DAW1: variants seen among roughly 807,000 people sequenced by gnomAD.
DAW1 encodes dynein assembly factor with WD repeats 1.
In DAW1, 47 loss-of-function variants were observed where a neutral mutation model predicts 56.5. That is an observed-to-expected ratio of 0.83 (90% CI 0.66 to 1.06). The LOEUF (loss-of-function observed/expected upper bound fraction) is 1.06, where lower values mean the gene tolerates loss of function less well. Ranked by LOEUF, DAW1 falls within the 50% of genes least tolerant of loss-of-function variation. DAW1 has a pLI of 0.00. For synonymous variants in DAW1, 190 were observed against 179.0 expected (o/e 1.06, Z -0.49); for missense variants, 505 against 499.3 (o/e 1.01, Z -0.11).
intron 6 of DAW1, among the ~76,000 whole-genome samples, chr2:227,899,333 C>T (rs575696713): frequency 1.3e-5 from 2 of 152,156 alleles, no homozygotes; most frequent in Non-Finnish European, 2.9e-5. Context: ...ATTTAACTCA[C>T]TAACTTTGTT....
intron 10 of DAW1, among the ~76,000 whole-genome samples, chr2:227,911,260 G>GTATATATGTA (rs1419852303): frequency 1.6e-5 from 2 of 128,044 alleles, no homozygotes; most frequent in Non-Finnish European, 3.3e-5. Context: ...ATATACACGT[G>GTATATATGTA]TATATACACA....
chr2:227,884,693 A>G (rs570679965), intron 1 of DAW1, among the ~76,000 whole-genome samples: 17 of 152,238 alleles, frequency 1.1e-4, no homozygotes, highest in African/African-American at 4.1e-4. Flanking sequence ...TGCTGGCTGG[A>G]AGGCAGGGAA....
chr2:227,882,815 C>A (rs1249813443), intron 1 of DAW1, among the ~76,000 whole-genome samples: 1 of 152,152 alleles, frequency 6.6e-6, no homozygotes, highest in Non-Finnish European at 1.5e-5. Flanking sequence ...GGTAGTTCCT[C>A]CTGCATTCAT....
In DAW1 at chr2:227,903,002, G is replaced by A; in HGVS notation, c.541G>A (p.Val181Met). 1 of 1,613,754 alleles carries A rather than the reference G, an allele frequency of 6.2e-7. No homozygotes were observed. Among genetic ancestry groups the A allele is most frequent in the African/African-American group, 1.3e-5 (1 of 75,024 alleles). ...HTFRGHTAEI[V>M]CLSFNPQSTL... ...ATTTCTCCCATTTTATGTAATTTAG[G>A]TGTGTTTATCATTTAACCCTCAAAG... The change falls in exon 7 of 13, where the codon GTG (valine) becomes ATG (methionine). Residue 181 changes from valine (V) to methionine (M), a missense_variant and splice_region_variant. Physicochemically the swap from Val to Met is conservative, Grantham distance 21. Coordinates refer to ENST00000309931, the MANE Select transcript of DAW1 (RefSeq NM_178821.3).
intron 10 of DAW1, among the ~76,000 whole-genome samples, chr2:227,911,248 A>ACGTG (rs1691810105): frequency 7.6e-5 from 11 of 144,574 alleles, no homozygotes; most frequent in African/African-American, 2.9e-4. Context: ...ACATATATAC[A>ACGTG]TATATACACG....
At chr2:227,880,290 A>G (rs1046232770) in intron 1 of DAW1, among the ~76,000 whole-genome samples, 1 of 151,566 alleles carries the variant, frequency 6.6e-6, no homozygotes, top group Non-Finnish European at 1.5e-5. Context: ...AATCTTTTTT[A>G]TAGCATGTGG....
chr2:227,891,191 G>A, intron 3 of DAW1, 64 bp from the exon 4 acceptor site: 1 of 1,445,190 alleles, frequency 6.9e-7, no homozygotes, highest in Non-Finnish European at 9.6e-7. Flanking sequence ...TCATTGGTTT[G>A]AAGTTATAAC....
At chr2:227,911,261 T>TATAAATAC (rs1691811849) in intron 10 of DAW1, among the ~76,000 whole-genome samples, 1 of 119,374 alleles carries the variant, frequency 8.4e-6, no homozygotes, top group Non-Finnish European at 1.8e-5. Context: ...TATACACGTG[T>TATAAATAC]ATATACACAT....
At chr2:227,872,869 C>G (rs1033331075) in intron 1 of DAW1, among the ~76,000 whole-genome samples, 2 of 152,196 alleles carry the variant, frequency 1.3e-5, no homozygotes, top group African/African-American at 2.4e-5. Flanking sequence ...CTGAGCCACT[C>G]CAGTGGCTTT....
chr2:227,889,588 C>T (rs756975770), intron 2 of DAW1: 2 of 271,048 alleles, frequency 7.4e-6, no homozygotes, highest in African/African-American at 2.2e-5. Flanking sequence ...GAACATTAGA[C>T]TCTTGGCACA....
At chr2:227,883,021 A>G (rs573015922) in intron 1 of DAW1, among the ~76,000 whole-genome samples, 8 of 152,374 alleles carry the variant, frequency 5.3e-5, no homozygotes, top group Admixed American at 1.3e-4. Context: ...TAAGGAAAAT[A>G]TAGGTGGTTG....
chr2:227,885,975 C>CTTTT lies in DAW1; in HGVS notation c.113+565_113+568dup, dbSNP rs10655811. Among the ~76,000 whole-genome samples the CTTTT allele has an allele frequency of 6.4e-4, 84 of 131,994 alleles. 1 individual carries two copies. Among genetic ancestry groups the CTTTT allele is most frequent in the Middle Eastern group, 3.9e-3 (1 of 258 alleles). 86.6% of individuals were successfully genotyped at this position (131,994 alleles called of 152,430 possible). A position where few individuals can be genotyped will look rare whatever the true frequency, so the allele number is the denominator to read the frequency against. ...ACCTTAATTTCTTTCTTTTTCTTTC[C>CTTTT]TTTTTTTTTTTTTTTTGAGACAGAG... On this transcript the variant is annotated intron_variant, in intron 2 of 12. Coordinates refer to ENST00000309931, the MANE Select transcript of DAW1 (RefSeq NM_178821.3).
At chr2:227,880,874 G>C (rs1396753102) in intron 1 of DAW1, among the ~76,000 whole-genome samples, 1 of 152,180 alleles carries the variant, frequency 6.6e-6, no homozygotes, top group East Asian at 1.9e-4. Context: ...GAACTCAGAG[G>C]AGATATAGAC....
rs146320630 is a variant in DAW1 at position 227,923,203 on chromosome 2, C to T, written c.1214-731C>T. On this transcript the variant is annotated intron_variant, in intron 12 of 12. Transcript: ENST00000309931. The stretch of plus-strand genomic sequence containing the variant: ...TGGGGTGACACTTTTCTCTTGCCAT[C>T]GATGGAGCAGTCACTTTATTTGAAA... 3.9e-5 allele frequency among the ~76,000 whole-genome samples: 6 copies of T among 152,276 alleles called. No homozygotes were observed. In the East Asian group the frequency reaches 9.7e-4, roughly 25 times the overall value.
intron 1 of DAW1, among the ~76,000 whole-genome samples, chr2:227,883,640 G>A (rs764039247): frequency 6.6e-5 from 10 of 152,176 alleles, no homozygotes; most frequent in African/African-American, 2.4e-4. Context: ...CTATGTATCA[G>A]TGTCTGACTA....
intron 10 of DAW1, among the ~76,000 whole-genome samples, chr2:227,913,127 G>A (rs1284113162): frequency 6.6e-6 from 1 of 152,112 alleles, no homozygotes; most frequent in Non-Finnish European, 1.5e-5. Flanking sequence ...AAAGTGACAT[G>A]CAATTTTAGG....
At chr2:227,874,375 A>G (rs1211948064) in intron 1 of DAW1, among the ~76,000 whole-genome samples, 2 of 151,902 alleles carry the variant, frequency 1.3e-5, no homozygotes, top group Non-Finnish European at 2.9e-5. Context: ...TTGGAAGAAT[A>G]CTCTCCCCAA....
At chr2:227,884,167 A>G (rs1421568825) in intron 1 of DAW1, among the ~76,000 whole-genome samples, 2 of 152,060 alleles carry the variant, frequency 1.3e-5, no homozygotes, top group Non-Finnish European at 2.9e-5. Flanking sequence ...TTTTATTTTC[A>G]TTATCATATT....
At chr2:227,904,516 A>G (rs1367358834) in intron 7 of DAW1, among the ~76,000 whole-genome samples, 1 of 152,208 alleles carries the variant, frequency 6.6e-6, no homozygotes, top group Non-Finnish European at 1.5e-5. Flanking sequence ...TTTATTTCAT[A>G]CACTGTTTAC....
Sources: allele counts gnomAD v4.1 joint callset (sites outside exome capture counted in the v4.1 genomes callset), GRCh38; gene constraint gnomAD v4.1.1; transcripts MANE v1.5; gene names NCBI Gene and HGNC (gene_info 2026-07-23, HGNC 2026-07-21).